Variants in NCAM2 observed in about 807,000 individuals in gnomAD.
NCAM2 encodes neural cell adhesion molecule 2.
Under a neutral mutation model 98.1 loss-of-function variants are expected in NCAM2, and 30 were observed. The ratio of observed to expected loss-of-function variants is 0.31; its 90% CI spans 0.23 to 0.41. The LOEUF (loss-of-function observed/expected upper bound fraction) is 0.41, where lower values mean the gene tolerates loss of function less well. NCAM2 is among the 10% of genes least tolerant of loss of function. The pLI, the probability that NCAM2 is intolerant of heterozygous loss-of-function variation, is 1.00. For missense variants in NCAM2, 867 were observed against 1,005.8 expected, an observed-to-expected ratio of 0.86 and a Z score of 1.87; for synonymous variants, 368 against 342.4, an observed-to-expected ratio of 1.07 and a Z score of -0.83.
chr21:21,509,214 T>A (rs1988202456), intron 16 of NCAM2, among the ~76,000 whole-genome samples, 159 bp downstream of exon 16: 1 of 152,158 alleles, frequency 6.6e-6, no homozygotes, highest in Non-Finnish European at 1.5e-5. Flanking sequence ...TGAAACTATG[T>A]ATCCTTATAT....
intron 1 of NCAM2, among the ~76,000 whole-genome samples, chr21:21,266,737 G>T (rs1315678904): frequency 6.6e-6 from 1 of 152,060 alleles, no homozygotes; most frequent in Non-Finnish European, 1.5e-5. Flanking sequence ...GGGTGGAGGG[G>T]GGAGGGATAG....
intron 6 of NCAM2, among the ~76,000 whole-genome samples, chr21:21,328,796 T>C (rs116809370): frequency 0.017 from 2,622 of 152,038 alleles, 75 homozygotes; most frequent in African/African-American, 0.06. Context: ...TTAGTGTCGC[T>C]TAAGTATACA....
At chr21:21,303,648 A>G (rs898147102) in intron 5 of NCAM2, among the ~76,000 whole-genome samples, 4 of 152,116 alleles carry the variant, frequency 2.6e-5, no homozygotes, top group African/African-American at 9.7e-5. Context: ...GCTGGATCAC[A>G]TGCCAAGTGT....
chr21:21,122,053 CA>C (rs1336111796), intron 1 of NCAM2, among the ~76,000 whole-genome samples: 1 of 152,124 alleles, frequency 6.6e-6, no homozygotes, highest in Non-Finnish European at 1.5e-5. Flanking sequence ...TTAGAGAGAA[CA>C]AAAATCGATT....
Position 21,338,549 on chromosome 21 carries a change from A to G in NCAM2, c.1044+15A>G, listed in dbSNP as rs771089421. ...AAGGCGATAAGGTAACCACATCTCAATATGTAATGGTTTCCATTACCATGC... is the reference window on the plus strand; with the variant it reads ...AAGGCGATAAGGTAACCACATCTCAGTATGTAATGGTTTCCATTACCATGC... On this transcript the variant is annotated intron_variant, in intron 8 of 17. Coordinates refer to ENST00000400546, the MANE Select transcript of NCAM2 (RefSeq NM_004540.5). 4.4e-6 allele frequency: 7 copies of G among 1,587,498 alleles called. No individual in the cohort carries two copies. In the South Asian group the frequency reaches 8.1e-5, roughly 18 times the overall value.
chr21:21,279,007 A>C (rs565418413), intron 1 of NCAM2, among the ~76,000 whole-genome samples: 1 of 152,132 alleles, frequency 6.6e-6, no homozygotes, highest in African/African-American at 2.4e-5. Flanking sequence ...GTCAGACTAC[A>C]CCCCCAGATT....
chr21:21,081,662 G>A (rs745401986), intron 1 of NCAM2, among the ~76,000 whole-genome samples: 48 of 151,638 alleles, frequency 3.2e-4, no homozygotes, highest in Non-Finnish European at 5.7e-4. Flanking sequence ...GTAGCCAGGC[G>A]TGGCGGTGCG....
chr21:21,096,093 G>A (rs1184919697), intron 1 of NCAM2, among the ~76,000 whole-genome samples: 1 of 151,604 alleles, frequency 6.6e-6, no homozygotes, highest in Non-Finnish European at 1.5e-5. Flanking sequence ...TTGTCTTTCA[G>A]AAAACCTCTT....
At chr21:21,424,416 G>A (rs1016000936) in intron 11 of NCAM2, among the ~76,000 whole-genome samples, 1 of 152,132 alleles carries the variant, frequency 6.6e-6, no homozygotes, top group Non-Finnish European at 1.5e-5. Flanking sequence ...AAGATATAAG[G>A]TTGCTGTAGA....
intron 1 of NCAM2, among the ~76,000 whole-genome samples, chr21:21,146,902 G>C (rs1326382768): frequency 6.6e-6 from 1 of 152,008 alleles, no homozygotes; most frequent in Non-Finnish European, 1.5e-5. Flanking sequence ...GAAATCTCGC[G>C]CCCTGTCCCA....
chr21:21,238,773 AT>A (rs1232464749), intron 1 of NCAM2, among the ~76,000 whole-genome samples: 1 of 152,118 alleles, frequency 6.6e-6, no homozygotes, highest in Admixed American at 6.6e-5. Flanking sequence ...TAAATTGGCC[AT>A]TTTCTACCGA....
At chr21:21,248,278 A>T (rs2071352458) in intron 1 of NCAM2, among the ~76,000 whole-genome samples, 1 of 152,170 alleles carries the variant, frequency 6.6e-6, no homozygotes, top group Admixed American at 6.5e-5. Context: ...AACCCGAATT[A>T]TGATTTCCAA....
intron 1 of NCAM2, among the ~76,000 whole-genome samples, chr21:21,030,196 A>G (rs1235149701): frequency 6.6e-6 from 1 of 152,150 alleles, no homozygotes; most frequent in Non-Finnish European, 1.5e-5. Flanking sequence ...ATTTCACTTA[A>G]GCCTAAACAT....
intron 9 of NCAM2, among the ~76,000 whole-genome samples, chr21:21,405,566 T>C (rs1273869087): frequency 2.0e-5 from 3 of 152,164 alleles, no homozygotes; most frequent in Admixed American, 2.0e-4. Context: ...CTTATTTGGG[T>C]ATTCTTTCTT....
chr21:21,241,965 T>TA (rs1283363787), intron 1 of NCAM2, among the ~76,000 whole-genome samples: 8 of 152,210 alleles, frequency 5.3e-5, no homozygotes, highest in African/African-American at 1.9e-4. Context: ...AATAATCAAG[T>TA]AAAAATTCAG....
intron 1 of NCAM2, among the ~76,000 whole-genome samples, chr21:21,212,609 A>G (rs1258317551): frequency 6.6e-6 from 1 of 152,218 alleles, no homozygotes; most frequent in East Asian, 1.9e-4. Flanking sequence ...TAGGTGGGTC[A>G]TATCATTGAC....
intron 1 of NCAM2, among the ~76,000 whole-genome samples, chr21:21,138,624 C>A (rs1218907219): frequency 6.6e-6 from 1 of 152,074 alleles, no homozygotes; most frequent in Non-Finnish European, 1.5e-5. Flanking sequence ...ATATTGTAAA[C>A]AGACAGCGAC....
chr21:21,238,253 A>G (rs2070922891), intron 1 of NCAM2, among the ~76,000 whole-genome samples: 1 of 152,088 alleles, frequency 6.6e-6, no homozygotes, highest in South Asian at 2.1e-4. Context: ...CACCGCGACC[A>G]CCCAAAACAG....
intron 15 of NCAM2, 26 bp from the exon 16 acceptor site, chr21:21,508,808 CTTTTTTTTTTTTTTTTT>C (rs764097299): frequency 9.4e-5 from 39 of 413,274 alleles, no homozygotes; most frequent in East Asian, 1.1e-4. Context: ...ACTTTTTTTC[CTTTTTTTTTTTTTTTTT>C]TTTTTTTTTT....
Sources: gnomAD v4.1 joint callset for allele counts (sites outside exome capture counted in the v4.1 genomes callset) on GRCh38, gnomAD v4.1.1 for gene constraint, MANE v1.5 for transcripts, NCBI Gene and HGNC (gene_info 2026-07-23, HGNC 2026-07-21) for gene names.